MS4A13: variants seen among roughly 807,000 people sequenced by gnomAD.
The protein encoded by MS4A13 is membrane spanning 4-domains A13, also known as membrane-spanning 4-domains subfamily A member 13.
A neutral mutation model predicts 18.4 loss-of-function variants in MS4A13; 21 were observed. The observed-to-expected ratio is 1.14, with a 90% CI of 0.81 to 1.64. The LOEUF (loss-of-function observed/expected upper bound fraction) is 1.64, where lower values mean the gene tolerates loss of function less well. Ranked by LOEUF, MS4A13 falls within the 40% of genes most tolerant of loss-of-function variation. MS4A13 has a pLI of 0.00. For missense variants in MS4A13, 173 were observed against 176.8 expected, an observed-to-expected ratio of 0.98 and a Z score of 0.12; for synonymous variants, 62 against 57.2, an observed-to-expected ratio of 1.08 and a Z score of -0.38.
intron 6 of MS4A13, among the ~76,000 whole-genome samples, chr11:60,532,782 T>C (rs1264707794): frequency 8.6e-6 from 1 of 116,564 alleles, no homozygotes; most frequent in African/African-American, 3.4e-5. Context: ...GTCTGACAGC[T>C]TTGAAGAGAG....
chr11:60,532,585 A>C, intron 6 of MS4A13, among the ~76,000 whole-genome samples: 1 of 152,050 alleles, frequency 6.6e-6, no homozygotes, highest in Non-Finnish European at 1.5e-5. Context: ...GGTGGCAGCG[A>C]GGTTGGGGGA....
intron 6 of MS4A13, among the ~76,000 whole-genome samples, chr11:60,531,786 G>C (rs900365692): frequency 5.3e-5 from 8 of 152,078 alleles, no homozygotes; most frequent in Non-Finnish European, 1.0e-4. Flanking sequence ...CTGTGTCCTA[G>C]TCTCTTCTAA....
intron 5 of MS4A13, among the ~76,000 whole-genome samples, 161 bp downstream of exon 5, chr11:60,525,487 G>A (rs961230641): frequency 3.9e-5 from 6 of 152,078 alleles, no homozygotes; most frequent in African/African-American, 9.7e-5. Context: ...AATAATTCTA[G>A]GCTGTGAGTT....
intron 4 of MS4A13, 77 bp downstream of exon 4, chr11:60,524,030 C>T (rs906438106): frequency 6.8e-5 from 59 of 872,286 alleles, no homozygotes; most frequent in Middle Eastern, 4.5e-4. Context: ...GAAAATATAA[C>T]GTCTAAACAA....
At chr11:60,529,244 T>G in intron 5 of MS4A13, 121 bp from the exon 6 acceptor site, 1 of 494,346 alleles carries the variant, frequency 2.0e-6, no homozygotes. Context: ...TATCTGTTCT[T>G]ATTTTCCTTC....
chr11:60,520,706 C>T (rs1291717678), intron 3 of MS4A13, among the ~76,000 whole-genome samples: 1 of 152,190 alleles, frequency 6.6e-6, no homozygotes, highest in East Asian at 1.9e-4. Flanking sequence ...CACAGGCTGG[C>T]GTTGTCTGCA....
intron 3 of MS4A13, 35 bp downstream of exon 3, chr11:60,518,247 C>A (rs1236176469): frequency 1.3e-6 from 2 of 1,522,630 alleles, no homozygotes; most frequent in Non-Finnish European, 1.8e-6. Context: ...TTTAATCATA[C>A]AATAAATAAT....
intron 6 of MS4A13, among the ~76,000 whole-genome samples, chr11:60,538,577 A>G (rs1308403810): frequency 8.7e-6 from 1 of 114,964 alleles, no homozygotes; most frequent in Non-Finnish European, 1.9e-5. Flanking sequence ...AATTTTAAGA[A>G]ATAAAAATAA....
intron 3 of MS4A13, among the ~76,000 whole-genome samples, chr11:60,518,833 T>G (rs185830534): frequency 6.6e-6 from 1 of 152,130 alleles, no homozygotes; most frequent in Non-Finnish European, 1.5e-5. Context: ...CTGGTAGGAG[T>G]TGATTTAAGA....
Position 60,525,344 on chromosome 11 carries a change from T to G in MS4A13, c.306+18T>G. On this transcript the variant is annotated intron_variant, in intron 5 of 6. Coordinates refer to ENST00000378186, the MANE Select transcript of MS4A13 (RefSeq NM_001012417.3). The stretch of plus-strand genomic sequence containing the variant: ...GACAAGCAGTAAGTGACCAATTCTA[T>G]GGGAACATATTAATTTTAAAATTAT... The G allele has an allele frequency of 6.6e-7, 1 of 1,510,856 alleles. No homozygotes were observed. Among genetic ancestry groups the G allele is most frequent in the Non-Finnish European group, 8.9e-7 (1 of 1,119,074 alleles). The allele number at this position is 1,510,856 out of a possible 1,614,324, so 93.6% of individuals were successfully genotyped here.
At chr11:60,515,741 T>C in intron 1 of MS4A13, 134 bp downstream of exon 1, 1 of 152,226 alleles carries the variant, frequency 6.6e-6, no homozygotes, top group East Asian at 1.9e-4. Flanking sequence ...ATGATAGCTG[T>C]AAAATGCCGA....
intron 2 of MS4A13, among the ~76,000 whole-genome samples, chr11:60,516,814 A>G (rs926898816): frequency 2.0e-5 from 3 of 152,184 alleles, no homozygotes; most frequent in Non-Finnish European, 2.9e-5. Flanking sequence ...CTAATTAGCT[A>G]TCTCATGGTT....
At chr11:60,541,600 T>C (rs2086859496) in intron 6 of MS4A13, among the ~76,000 whole-genome samples, 1 of 152,104 alleles carries the variant, frequency 6.6e-6, no homozygotes, top group Non-Finnish European at 1.5e-5. Flanking sequence ...GCTTAGTTCA[T>C]GAAACTAGAA....
chr11:60,532,045 A>C (rs925002265), intron 6 of MS4A13, among the ~76,000 whole-genome samples: 4 of 152,228 alleles, frequency 2.6e-5, no homozygotes, highest in African/African-American at 9.6e-5. Flanking sequence ...GTATGCAAAT[A>C]ATAATAGTTA....
chr11:60,526,627 T>C (rs1250541387), intron 5 of MS4A13, among the ~76,000 whole-genome samples: 1 of 152,214 alleles, frequency 6.6e-6, no homozygotes, highest in Non-Finnish European at 1.5e-5. Flanking sequence ...GCCACCATCT[T>C]TTTCTAGTGT....
rs1438229570 is a variant in MS4A13 at position 60,542,716 on chromosome 11, CAA to C, written c.*145_*146del. 2 of 494,198 alleles carry C rather than the reference CAA, an allele frequency of 4.0e-6. No individual in the cohort carries two copies. Among genetic ancestry groups the C allele is most frequent in the African/African-American group, 3.9e-5 (2 of 51,908 alleles). 30.6% of individuals were successfully genotyped at this position (494,198 alleles called of 1,614,324 possible). On this transcript the variant is annotated 3_prime_UTR_variant, in exon 7 of 7. Transcript: ENST00000378186. ...AACAAGGTGAATTTTTCTCCTCATTCAAAAATGTCTCTGCTTATATTTTTCTA... is the reference window on the plus strand; with the variant it reads ...AACAAGGTGAATTTTTCTCCTCATTCAAATGTCTCTGCTTATATTTTTCTA...
At chr11:60,531,271 C>A (rs2086764596) in intron 6 of MS4A13, among the ~76,000 whole-genome samples, 2 of 152,092 alleles carry the variant, frequency 1.3e-5, no homozygotes, top group African/African-American at 4.8e-5. Context: ...TGACTAAGAT[C>A]ACAATACTTG....
intron 4 of MS4A13, among the ~76,000 whole-genome samples, chr11:60,524,940 G>A (rs913581597): frequency 4.6e-5 from 7 of 152,178 alleles, no homozygotes; most frequent in African/African-American, 7.2e-5. Context: ...GATTACAGGC[G>A]TGAGCCACTG....
intron 5 of MS4A13, among the ~76,000 whole-genome samples, chr11:60,526,452 A>T (rs1230392710): frequency 6.6e-6 from 1 of 152,224 alleles, no homozygotes; most frequent in Non-Finnish European, 1.5e-5. Flanking sequence ...ATTGCCAAGG[A>T]TTGCCTTTTG....
Sources: gnomAD v4.1 joint callset for allele counts (sites outside exome capture counted in the v4.1 genomes callset) on GRCh38, gnomAD v4.1.1 for gene constraint, MANE v1.5 for transcripts, NCBI Gene and HGNC (gene_info 2026-07-23, HGNC 2026-07-21) for gene names.